Variants in ALDH1A1 observed in about 807,000 individuals in gnomAD.
The protein encoded by ALDH1A1 is aldehyde dehydrogenase 1A1.
In ALDH1A1, 19 loss-of-function variants were observed where a neutral mutation model predicts 62.1. That is an observed-to-expected ratio of 0.31 (90% CI 0.21 to 0.45). ALDH1A1 has a LOEUF of 0.45. Ranked by LOEUF, ALDH1A1 falls within the 20% of genes least tolerant of loss-of-function variation. The pLI, the probability that ALDH1A1 is intolerant of heterozygous loss-of-function variation, is 1.00. For synonymous variants in ALDH1A1, 231 were observed against 215.9 expected, an observed-to-expected ratio of 1.07 and a Z score of -0.61; for missense variants, 521 against 607.1, an observed-to-expected ratio of 0.86 and a Z score of 1.49.
At chr9:72,925,693 CT>C (rs944840027) in intron 5 of ALDH1A1, 81 bp from the exon 6 acceptor site, 100 of 1,445,382 alleles carry the variant, frequency 6.9e-5, no homozygotes, top group Middle Eastern at 1.8e-4. Context: ...TATACACCCC[CT>C]GTAGATGTTA....
chr9:72,935,939 A>G (rs1465677792), intron 2 of ALDH1A1, among the ~76,000 whole-genome samples: 3 of 152,226 alleles, frequency 2.0e-5, no homozygotes, highest in Admixed American at 6.5e-5. Context: ...TTGTGGGAAG[A>G]GCAATAATTA....
At chr9:72,905,808 C>T in intron 12 of ALDH1A1, 150 bp downstream of exon 12, 2 of 612,174 alleles carry the variant, frequency 3.3e-6, no homozygotes, top group Non-Finnish European at 5.7e-6. Flanking sequence ...TGGAGTACAT[C>T]CCACATTTAA....
At position 72,934,958 on chromosome 9, in the gene ALDH1A1, A is replaced by G. The variant is rs141955547; in HGVS notation, c.172-3939T>C. On this transcript the variant is annotated intron_variant, in intron 2 of 12. Transcript: ENST00000297785. ...AAATATATACTGCTATTTGTTTTGT[A>G]AACTGTAATATTTCTTACAATTCTG... 2.4e-4 allele frequency among the ~76,000 whole-genome samples: 37 copies of G among 152,274 alleles called. 1 individual carries two copies. The East Asian group carries it at 6.2e-3, about 25-fold the overall frequency.
At chr9:72,902,588 G>A (rs1829819310) in intron 12 of ALDH1A1, among the ~76,000 whole-genome samples, 1 of 151,814 alleles carries the variant, frequency 6.6e-6, no homozygotes, top group Admixed American at 6.6e-5. Context: ...TTTATCTCAG[G>A]GTTAGATCAA....
intron 7 of ALDH1A1, among the ~76,000 whole-genome samples, chr9:72,921,521 C>CT (rs1830144603): frequency 1.9e-4 from 13 of 67,928 alleles, no homozygotes; most frequent in African/African-American, 6.2e-4. Flanking sequence ...TTTTTTTTTT[C>CT]ATTTTTTTTT....
chr9:72,903,173 A>T (rs1186157671), intron 12 of ALDH1A1, among the ~76,000 whole-genome samples: 1 of 152,062 alleles, frequency 6.6e-6, no homozygotes, highest in Non-Finnish European at 1.5e-5. Flanking sequence ...GGAGGAAAAA[A>T]ATATGGTGGG....
chr9:72,912,205 C>CA, intron 9 of ALDH1A1, 83 bp from the exon 10 acceptor site: 1 of 1,171,284 alleles, frequency 8.5e-7, no homozygotes, highest in Non-Finnish European at 1.2e-6. Context: ...ACAAGGGCTT[C>CA]AAAATGCTAA....
intron 2 of ALDH1A1, among the ~76,000 whole-genome samples, chr9:72,933,299 A>T (rs1451445248): frequency 1.3e-5 from 2 of 152,230 alleles, no homozygotes; most frequent in East Asian, 3.9e-4. Context: ...AAGTAAGAAG[A>T]TTGTCCTTTT....
At chr9:72,929,061 G>A (rs750555421) in intron 3 of ALDH1A1, 40 bp from the exon 4 acceptor site, 1 of 1,400,436 alleles carries the variant, frequency 7.1e-7, no homozygotes, top group South Asian at 1.3e-5. Context: ...AATTCCATAA[G>A]TTTTAGATTA....
chr9:72,915,591 C>G (rs1830052407), intron 9 of ALDH1A1, among the ~76,000 whole-genome samples: 1 of 152,108 alleles, frequency 6.6e-6, no homozygotes. Context: ...AACTCAAAGA[C>G]AAATACAAAA....
chr9:72,901,818 G>C (rs1467051936), intron 12 of ALDH1A1, among the ~76,000 whole-genome samples: 1 of 152,034 alleles, frequency 6.6e-6, no homozygotes, highest in East Asian at 1.9e-4. Context: ...TGTCATAGAA[G>C]TGGTAAGGGG....
rs1295053413 is a variant in ALDH1A1, at chr9:72,937,466, T to C, written c.171+2682A>G. On this transcript the variant is annotated intron_variant, in intron 2 of 12. Coordinates refer to ENST00000297785, the MANE Select transcript of ALDH1A1 (RefSeq NM_000689.5). ...CCCGGGCATGACTGAAGGTTTAGGA[T>C]ATGCCTGGCACCGTTGAAGAGCTCT... 2.0e-5 allele frequency among the ~76,000 whole-genome samples: 3 copies of C among 152,216 alleles called. No homozygotes were observed. The East Asian group carries it at 5.8e-4, about 29-fold the overall frequency.
At chr9:72,933,141 T>C (rs1355800893) in intron 2 of ALDH1A1, among the ~76,000 whole-genome samples, 1 of 152,204 alleles carries the variant, frequency 6.6e-6, no homozygotes, top group Non-Finnish European at 1.5e-5. Context: ...TAGTTTGATA[T>C]GAAAACAACC....
chr9:72,920,452 C>G (rs1417261162), intron 7 of ALDH1A1, among the ~76,000 whole-genome samples: 1 of 152,096 alleles, frequency 6.6e-6, no homozygotes, highest in Non-Finnish European at 1.5e-5. Context: ...ACCTGTCACC[C>G]TTTGATTTCT....
At chr9:72,912,160 T>C (rs750590480) in intron 9 of ALDH1A1, 38 bp from the exon 10 acceptor site, 3 of 1,578,648 alleles carry the variant, frequency 1.9e-6, no homozygotes, top group Admixed American at 1.7e-5. Context: ...AAAAAAGTAG[T>C]CACTTGTAAA....
At chr9:72,905,768 T>C (rs959962215) in intron 12 of ALDH1A1, among the ~76,000 whole-genome samples, 190 bp downstream of exon 12, 6 of 152,152 alleles carry the variant, frequency 3.9e-5, no homozygotes, top group Non-Finnish European at 8.8e-5. Context: ...GTAAATTATG[T>C]TGCTGTTCTG....
chr9:72,944,279 T>C (rs931137467), intron 1 of ALDH1A1, among the ~76,000 whole-genome samples: 12 of 152,106 alleles, frequency 7.9e-5, no homozygotes, highest in African/African-American at 2.9e-4. Flanking sequence ...CACAGGCTTT[T>C]GAAGGAGAGT....
At chr9:72,906,932 G>A (rs1322312735) in intron 11 of ALDH1A1, among the ~76,000 whole-genome samples, 1 of 152,146 alleles carries the variant, frequency 6.6e-6, no homozygotes, top group Non-Finnish European at 1.5e-5. Context: ...GAGCCCAAGA[G>A]TTTGAGACCA....
At chr9:72,942,724 A>G (rs532553109) in intron 1 of ALDH1A1, among the ~76,000 whole-genome samples, 3 of 152,130 alleles carry the variant, frequency 2.0e-5, no homozygotes, top group African/African-American at 7.2e-5. Flanking sequence ...TGCCTCAAAC[A>G]CCATGCTGTT....
Sources: allele counts gnomAD v4.1 joint callset (sites outside exome capture counted in the v4.1 genomes callset), GRCh38; gene constraint gnomAD v4.1.1; transcripts MANE v1.5; gene names NCBI Gene and HGNC (gene_info 2026-07-23, HGNC 2026-07-21).